Variants in PCDH15 observed in about 807,000 individuals in gnomAD.
PCDH15 encodes the protein protocadherin related 15.
PCDH15 carries 129 observed loss-of-function variants against 178.5 expected under a neutral mutation model. The observed-to-expected ratio is 0.72, with a 90% CI of 0.63 to 0.84. PCDH15 has a LOEUF of 0.84. Ranked by LOEUF, PCDH15 falls within the 40% of genes least tolerant of loss-of-function variation. The pLI, the probability that PCDH15 is intolerant of heterozygous loss-of-function variation, is 0.00. For missense variants in PCDH15, 2,230 were observed against 2,099.9 expected (o/e 1.06, Z -1.21); for synonymous variants, 800 against 732.0 (o/e 1.09, Z -1.50).
At chr10:54,208,056 C>T (rs1207009525) in intron 10 of PCDH15, among the ~76,000 whole-genome samples, 2 of 151,784 alleles carry the variant, frequency 1.3e-5, no homozygotes, top group Non-Finnish European at 2.9e-5. Flanking sequence ...AAAAATTATG[C>T]TTTGTGTGGC....
At chr10:53,884,500 A>C (rs1000875663) in intron 26 of PCDH15, among the ~76,000 whole-genome samples, 5 of 152,168 alleles carry the variant, frequency 3.3e-5, no homozygotes, top group Non-Finnish European at 7.3e-5. Flanking sequence ...TCGCCAAAAA[A>C]CTGACTGTAC....
intron 2 of PCDH15, among the ~76,000 whole-genome samples, chr10:55,500,451 T>C (rs963038944): frequency 6.6e-6 from 1 of 151,810 alleles, no homozygotes; most frequent in Non-Finnish European, 1.5e-5. Flanking sequence ...AAATTTCCTA[T>C]TGAGTGTTGA....
rs991024744 is a variant in PCDH15, at chr10:54,079,266, T to C, written c.2091+65A>G. 3.7e-5 allele frequency: 52 copies of C among 1,394,608 alleles called. No homozygotes were observed. In the East Asian group the frequency reaches 1.1e-3, roughly 29 times the overall value. The allele number at this position is 1,394,608 out of a possible 1,614,324, so 86.4% of individuals were successfully genotyped here. A position where few individuals can be genotyped will look rare whatever the true frequency, so the allele number is the denominator to read the frequency against. On this transcript the variant is annotated intron_variant, in intron 17 of 37. Coordinates refer to ENST00000644397, the MANE Select transcript of PCDH15 (RefSeq NM_001384140.1). The stretch of plus-strand genomic sequence containing the variant: ...ACATTAATTCATGTCTGTGATACAT[T>C]GTTTAAGACTCTCTCAGTTGCCTTA...
chr10:54,825,112 G>A (rs886807406), intron 3 of PCDH15, among the ~76,000 whole-genome samples: 4 of 151,868 alleles, frequency 2.6e-5, no homozygotes, highest in Admixed American at 1.3e-4. Flanking sequence ...CTATGAGTGA[G>A]AACATGCGGT....
intron 1 of PCDH15, among the ~76,000 whole-genome samples, chr10:54,784,029 G>A (rs1455263619): frequency 1.1e-5 from 1 of 92,740 alleles, no homozygotes; most frequent in Non-Finnish European, 2.1e-5. Context: ...AAGGAGAAGT[G>A]TCAAGTGAAG....
intron 2 of PCDH15, among the ~76,000 whole-genome samples, chr10:55,442,944 A>C (rs983391485): frequency 2.0e-5 from 3 of 152,146 alleles, no homozygotes; most frequent in Non-Finnish European, 4.4e-5. Flanking sequence ...AGATATAGAT[A>C]TTATAGTACA....
chr10:54,949,674 A>G (rs186349414), intron 2 of PCDH15, among the ~76,000 whole-genome samples: 1 of 152,152 alleles, frequency 6.6e-6, no homozygotes, highest in Non-Finnish European at 1.5e-5. Context: ...AATGCATACA[A>G]CTGAATGCTT....
In PCDH15 at chr10:55,603,745, C is replaced by T. The variant is rs1322136879; in HGVS notation, c.-156+23880G>A. Among the ~76,000 whole-genome samples the T allele has an allele frequency of 4.9e-4, 72 of 148,176 alleles. 1 individual carries two copies. Among genetic ancestry groups the T allele is most frequent in the African/African-American group, 4.7e-4 (19 of 40,168 alleles). ...GCCCTAAAAGAGCTCCTGAAGGAAG[C>T]GCTAAACATGGAAAGGAACAACTGG... On this transcript the variant is annotated intron_variant, in intron 2 of 5. Transcript: ENST00000613346.
intron 25 of PCDH15, among the ~76,000 whole-genome samples, chr10:53,907,929 T>G (rs1471666258): frequency 6.6e-6 from 1 of 152,224 alleles, no homozygotes; most frequent in Non-Finnish European, 1.5e-5. Flanking sequence ...TTCCCTTCCC[T>G]TACTTTTAAT....
chr10:54,736,979 T>C (rs916709390), intron 1 of PCDH15, among the ~76,000 whole-genome samples: 6 of 152,102 alleles, frequency 3.9e-5, no homozygotes, highest in African/African-American at 1.4e-4. Context: ...GGCCAGCTTC[T>C]GTTTCTCTCT....
intron 27 of PCDH15, among the ~76,000 whole-genome samples, chr10:53,858,400 G>A (rs1003237052): frequency 6.6e-6 from 1 of 152,086 alleles, no homozygotes; most frequent in Non-Finnish European, 1.5e-5. Flanking sequence ...AGTATGAAAT[G>A]ATAGAAAGAA....
At chr10:53,915,833 A>G (rs1373119449) in intron 25 of PCDH15, among the ~76,000 whole-genome samples, 1 of 152,142 alleles carries the variant, frequency 6.6e-6, no homozygotes, top group Admixed American at 6.5e-5. Flanking sequence ...CTGGGATTAC[A>G]GGTGTGAGCC....
intron 2 of PCDH15, among the ~76,000 whole-genome samples, chr10:54,659,345 A>G (rs1043037929): frequency 2.0e-4 from 31 of 152,326 alleles, no homozygotes; most frequent in African/African-American, 7.5e-4. Context: ...ACATCTGTGC[A>G]TGGAACGTTC....
chr10:54,327,369 C>G (rs4471336), intron 7 of PCDH15, among the ~76,000 whole-genome samples: 105,475 of 150,342 alleles, frequency 0.7, 37,723 homozygotes, highest in Middle Eastern at 0.81. Context: ...TTTCACTCTG[C>G]TCTATGTTAC....
chr10:55,289,404 A>C (rs190647804), intron 1 of PCDH15, among the ~76,000 whole-genome samples: 172 of 152,008 alleles, frequency 1.1e-3, no homozygotes, highest in African/African-American at 3.9e-3. Context: ...AAAAAGAGAA[A>C]GAAAACAAGG....
chr10:54,480,882 G>A (rs188040136), intron 3 of PCDH15, among the ~76,000 whole-genome samples: 17 of 151,896 alleles, frequency 1.1e-4, no homozygotes, highest in African/African-American at 2.9e-4. Flanking sequence ...GATAAAACAC[G>A]TATTTCTAGA....
At chr10:55,284,692 C>G (rs1018774205) in intron 1 of PCDH15, among the ~76,000 whole-genome samples, 11 of 151,972 alleles carry the variant, frequency 7.2e-5, no homozygotes, top group Non-Finnish European at 1.3e-4. Flanking sequence ...GAATCTCTAA[C>G]CTGTCTTTTG....
At chr10:54,107,591 C>T (rs2094939148) in intron 15 of PCDH15, among the ~76,000 whole-genome samples, 1 of 152,266 alleles carries the variant, frequency 6.6e-6, no homozygotes, top group South Asian at 2.1e-4. Flanking sequence ...GCCAAATGGA[C>T]TGGCAGTGAA....
At chr10:54,166,245 GTC>G (rs1479308688) in intron 13 of PCDH15, among the ~76,000 whole-genome samples, 2 of 152,144 alleles carry the variant, frequency 1.3e-5, no homozygotes, top group Non-Finnish European at 2.9e-5. Flanking sequence ...AGTGCTCTTA[GTC>G]TTTCTCATCA....
Sources: allele counts gnomAD v4.1 joint callset (sites outside exome capture counted in the v4.1 genomes callset), GRCh38; gene constraint gnomAD v4.1.1; transcripts MANE v1.5; gene names NCBI Gene and HGNC (gene_info 2026-07-23, HGNC 2026-07-21).